The following MAGI2 variants were observed in gnomAD, a reference collection of about 807,000 sequenced individuals.
MAGI2 encodes the protein membrane associated guanylate kinase, WW and PDZ domain containing 2.
Under a neutral mutation model 133.3 loss-of-function variants are expected in MAGI2, and 35 were observed. The observed-to-expected ratio is 0.26, with a 90% CI of 0.20 to 0.35. The LOEUF (loss-of-function observed/expected upper bound fraction) is 0.35. Among genes scored for constraint, MAGI2 ranks in the 10% least tolerant of loss-of-function variants. The pLI, the probability that MAGI2 is intolerant of heterozygous loss-of-function variation, is 1.00. For missense variants in MAGI2, 1,636 were observed against 1,863.4 expected (o/e 0.88, Z 2.25); for synonymous variants, 729 against 710.6 (o/e 1.03, Z -0.41).
At chr7:79,020,713 C>G (rs139682060) in intron 1 of MAGI2, among the ~76,000 whole-genome samples, 2 of 149,688 alleles carry the variant, frequency 1.3e-5, no homozygotes, top group Non-Finnish European at 3.0e-5. Context: ...TTGAAGTGAG[C>G]CGAGATTGCA....
At chr7:78,735,360 C>G (rs572580479) in intron 2 of MAGI2, among the ~76,000 whole-genome samples, 2 of 152,238 alleles carry the variant, frequency 1.3e-5, no homozygotes, top group East Asian at 3.9e-4. Context: ...AGTTTTATGT[C>G]CTATTCCAGG....
chr7:78,342,466 C>A lies in MAGI2; in HGVS notation c.1408+1312G>T, dbSNP rs180807005. ...TAGCAATCCCATTACTATATATATACCCAAAGGATTATAAATCATTCTACT... is the reference window on the plus strand; with the variant it reads ...TAGCAATCCCATTACTATATATATAACCAAAGGATTATAAATCATTCTACT... On this transcript the variant is annotated intron_variant, in intron 9 of 21. Coordinates refer to ENST00000354212, the MANE Select transcript of MAGI2 (RefSeq NM_012301.4). Among the ~76,000 whole-genome samples, 596 of 152,240 alleles carry A rather than the reference C, an allele frequency of 3.9e-3. 3 individuals are homozygous for A. Among genetic ancestry groups the A allele is most frequent in the African/African-American group, 0.014 (567 of 41,536 alleles).
intron 1 of MAGI2, among the ~76,000 whole-genome samples, chr7:79,138,854 A>C (rs1405335684): frequency 6.6e-6 from 1 of 151,884 alleles, no homozygotes; most frequent in East Asian, 1.9e-4. Flanking sequence ...AAATACAAAA[A>C]AATTAGCCGG....
intron 2 of MAGI2, among the ~76,000 whole-genome samples, chr7:78,920,961 T>A (rs778828466): frequency 6.6e-6 from 1 of 152,218 alleles, no homozygotes. Context: ...GAGGTGTACC[T>A]GAACAGCAAG....
chr7:78,280,799 C>A (rs1022152411), intron 9 of MAGI2, among the ~76,000 whole-genome samples: 1 of 145,104 alleles, frequency 6.9e-6, no homozygotes, highest in African/African-American at 2.6e-5. Context: ...GTCCCTCCCC[C>A]GACCATCTGC....
chr7:78,954,258 T>G (rs16886395), intron 2 of MAGI2, among the ~76,000 whole-genome samples: 3,011 of 152,226 alleles, frequency 0.02, 61 homozygotes, highest in African/African-American at 0.062. Flanking sequence ...GCAATAAGTT[T>G]TTATCCATTT....
intron 1 of MAGI2, among the ~76,000 whole-genome samples, chr7:79,299,706 C>T (rs943311259): frequency 6.6e-6 from 1 of 151,958 alleles, no homozygotes; most frequent in Non-Finnish European, 1.5e-5. Flanking sequence ...TCAGTGATAT[C>T]ATTTGGATAT....
At chr7:78,998,871 A>G (rs1806575672) in intron 2 of MAGI2, among the ~76,000 whole-genome samples, 1 of 152,116 alleles carries the variant, frequency 6.6e-6, no homozygotes, top group South Asian at 2.1e-4. Context: ...TTTCTATTCA[A>G]AATGTGCAGT....
intron 1 of MAGI2, among the ~76,000 whole-genome samples, chr7:79,132,686 G>C (rs1821039437): frequency 6.6e-6 from 1 of 152,052 alleles, no homozygotes; most frequent in Non-Finnish European, 1.5e-5. Flanking sequence ...TTGAATAGTG[G>C]ATCTACTTTT....
At chr7:79,195,901 A>G (rs1030950030) in intron 1 of MAGI2, among the ~76,000 whole-genome samples, 2 of 151,938 alleles carry the variant, frequency 1.3e-5, no homozygotes, top group Admixed American at 6.6e-5. Flanking sequence ...TCATATGTGG[A>G]ATCTTAAAAA....
intron 2 of MAGI2, among the ~76,000 whole-genome samples, chr7:78,732,939 A>G (rs1038634288): frequency 1.4e-4 from 21 of 152,192 alleles, no homozygotes; most frequent in African/African-American, 5.1e-4. Flanking sequence ...AGAGCTTTGC[A>G]AAGTTGATGT....
At chr7:78,218,097 C>G (rs1227600641) in intron 10 of MAGI2, among the ~76,000 whole-genome samples, 3 of 152,180 alleles carry the variant, frequency 2.0e-5, no homozygotes, top group African/African-American at 4.8e-5. Flanking sequence ...AGGCCAAGAG[C>G]CTTCTACAAC....
intron 1 of MAGI2, among the ~76,000 whole-genome samples, chr7:79,061,063 T>C (rs1033173706): frequency 2.0e-5 from 3 of 152,102 alleles, no homozygotes; most frequent in Admixed American, 6.6e-5. Context: ...TTAAGTGATA[T>C]TTGCATAACT....
intron 1 of MAGI2, among the ~76,000 whole-genome samples, chr7:79,210,940 T>G (rs1015607326): frequency 6.6e-6 from 1 of 152,076 alleles, no homozygotes; most frequent in African/African-American, 2.4e-5. Context: ...TGGGAAGCCA[T>G]TCACTAACCT....
chr7:78,506,707 G>C (rs1795123226), intron 4 of MAGI2, among the ~76,000 whole-genome samples: 1 of 152,238 alleles, frequency 6.6e-6, no homozygotes, highest in Non-Finnish European at 1.5e-5. Flanking sequence ...ACCGAATGAT[G>C]TGCAGATCAC....
intron 2 of MAGI2, among the ~76,000 whole-genome samples, chr7:78,766,122 C>T (rs1825003291): frequency 6.6e-6 from 1 of 152,202 alleles, no homozygotes; most frequent in African/African-American, 2.4e-5. Context: ...GTTTGGTTCT[C>T]TGCTACAGAC....
intron 2 of MAGI2, among the ~76,000 whole-genome samples, chr7:78,841,951 A>G (rs1792179668): frequency 6.6e-6 from 1 of 151,904 alleles, no homozygotes; most frequent in South Asian, 2.1e-4. Context: ...TGCCCCCATT[A>G]CAGTGTAAGT....
intron 2 of MAGI2, among the ~76,000 whole-genome samples, chr7:78,948,939 T>C (rs1584477138): frequency 6.6e-6 from 1 of 152,136 alleles, no homozygotes; most frequent in Non-Finnish European, 1.5e-5. Flanking sequence ...AATTGTATAC[T>C]GAATTCTAAA....
intron 8 of MAGI2, 114 bp downstream of exon 8, chr7:78,345,808 G>A: frequency 6.9e-7 from 1 of 1,443,320 alleles, no homozygotes; most frequent in Non-Finnish European, 9.4e-7. Context: ...AGGAAGGTCT[G>A]GAGAAAGCAA....
Sources: allele counts gnomAD v4.1 joint callset (sites outside exome capture counted in the v4.1 genomes callset), GRCh38; gene constraint gnomAD v4.1.1; transcripts MANE v1.5; gene names NCBI Gene and HGNC (gene_info 2026-07-23, HGNC 2026-07-21).